Variants in TPST1 observed in about 807,000 individuals in gnomAD.
TPST1 encodes tyrosylprotein sulfotransferase 1.
In TPST1, 20 loss-of-function variants were observed where a neutral mutation model predicts 34.8. The ratio of observed to expected loss-of-function variants is 0.57; its 90% CI spans 0.40 to 0.84. The LOEUF is 0.84. TPST1 is among the 40% of genes least tolerant of loss of function. The pLI is 0.00. For synonymous variants in TPST1, 152 were observed against 159.4 expected (o/e 0.95, Z 0.35); for missense variants, 353 against 455.5 (o/e 0.78, Z 2.05).
chr7:66,206,254 G>A (rs1469033307), intron 1 of TPST1, among the ~76,000 whole-genome samples: 1 of 151,764 alleles, frequency 6.6e-6, no homozygotes, highest in African/African-American at 2.4e-5. Flanking sequence ...CACTGCGCCT[G>A]GCTCAGATCC....
At chr7:66,222,595 G>A (rs1399428109) in intron 1 of TPST1, among the ~76,000 whole-genome samples, 1 of 152,174 alleles carries the variant, frequency 6.6e-6, no homozygotes, top group African/African-American at 2.4e-5. Flanking sequence ...AAAAAAGGCA[G>A]TCAGGGACAG....
intron 3 of TPST1, among the ~76,000 whole-genome samples, chr7:66,292,806 A>G (rs1791111043): frequency 6.7e-6 from 1 of 150,312 alleles, no homozygotes; most frequent in Non-Finnish European, 1.5e-5. Flanking sequence ...AAATGCAGAA[A>G]TCACCCGTCT....
At chr7:66,299,828 G>A (rs1026783578) in intron 3 of TPST1, among the ~76,000 whole-genome samples, 1 of 151,860 alleles carries the variant, frequency 6.6e-6, no homozygotes, top group African/African-American at 2.4e-5. Flanking sequence ...CTTCATCCAC[G>A]GATCTCTCCC....
intron 3 of TPST1, among the ~76,000 whole-genome samples, chr7:66,299,125 C>CAA (rs34928553): frequency 2.2e-5 from 3 of 137,418 alleles, no homozygotes; most frequent in Admixed American, 7.3e-5. Flanking sequence ...GACACCGTCT[C>CAA]AAAAAAAAAA....
intron 1 of TPST1, among the ~76,000 whole-genome samples, chr7:66,224,683 G>A (rs1374733832): frequency 6.6e-6 from 1 of 152,052 alleles, no homozygotes; most frequent in African/African-American, 2.4e-5. Context: ...CCTGTTTTTG[G>A]TTAGCAATCT....
In TPST1 at chr7:66,286,770, G is replaced by A. The variant is rs1161501070; in HGVS notation, c.1044+61G>A. On this transcript the variant is annotated intron_variant, in intron 3 of 5. Transcript: ENST00000304842. ...GATTTTGAATTTGGGATCTGAATACGTTTTTTTCTTATTTTATTTCTTGCT... is the reference window on the plus strand; with the variant it reads ...GATTTTGAATTTGGGATCTGAATACATTTTTTTCTTATTTTATTTCTTGCT... 11 of 1,266,662 alleles carry A rather than the reference G, an allele frequency of 8.7e-6. No individual in the cohort carries two copies. In the African/African-American group the frequency reaches 9.6e-5, roughly 11 times the overall value. 78.5% of individuals were successfully genotyped at this position (1,266,662 alleles called of 1,614,324 possible).
intron 3 of TPST1, among the ~76,000 whole-genome samples, chr7:66,321,655 T>C (rs1013944748): frequency 6.6e-6 from 1 of 152,224 alleles, no homozygotes; most frequent in African/African-American, 2.4e-5. Flanking sequence ...TGAGAGATAG[T>C]GCCAAAGAGT....
intron 3 of TPST1, among the ~76,000 whole-genome samples, chr7:66,312,150 C>T (rs568944258): frequency 3.7e-4 from 57 of 152,350 alleles, no homozygotes; most frequent in African/African-American, 1.3e-3. Flanking sequence ...TCTTTTACAA[C>T]TGTAATCCCA....
chr7:66,308,164 C>CCACT (rs1276624073), intron 3 of TPST1, among the ~76,000 whole-genome samples: 1 of 152,144 alleles, frequency 6.6e-6, no homozygotes, highest in Non-Finnish European at 1.5e-5. Flanking sequence ...ACTTGGTAGC[C>CCACT]AGTGGTAAAG....
chr7:66,302,061 CAG>C (rs1398888595), intron 3 of TPST1, among the ~76,000 whole-genome samples: 1 of 152,152 alleles, frequency 6.6e-6, no homozygotes, highest in Non-Finnish European at 1.5e-5. Context: ...TTTTGTATAA[CAG>C]AGGGGTAGAG....
intron 2 of TPST1, among the ~76,000 whole-genome samples, chr7:66,259,556 T>C (rs924622799): frequency 1.3e-5 from 2 of 152,296 alleles, no homozygotes; most frequent in African/African-American, 4.8e-5. Context: ...CTGTTGGAAA[T>C]GTTTCCATAG....
At chr7:66,231,915 C>A (rs542182452) in intron 1 of TPST1, among the ~76,000 whole-genome samples, 27 of 152,374 alleles carry the variant, frequency 1.8e-4, no homozygotes, top group Non-Finnish European at 2.9e-4. Flanking sequence ...TATCACTTAA[C>A]ATCTTTAAGT....
intron 3 of TPST1, among the ~76,000 whole-genome samples, chr7:66,310,424 C>A (rs1290330167): frequency 6.6e-6 from 1 of 152,138 alleles, no homozygotes; most frequent in African/African-American, 2.4e-5. Flanking sequence ...GACTGTCCAT[C>A]CACCTCATGT....
At chr7:66,224,046 C>T (rs1789599700) in intron 1 of TPST1, among the ~76,000 whole-genome samples, 2 of 152,158 alleles carry the variant, frequency 1.3e-5, no homozygotes, top group Non-Finnish European at 2.9e-5. Context: ...AGATTGTCAG[C>T]TGTGTATACC....
intron 3 of TPST1, 115 bp downstream of exon 3, chr7:66,286,824 T>TTTTTTTTTGG: frequency 6.4e-6 from 4 of 624,680 alleles, no homozygotes; most frequent in Non-Finnish European, 9.0e-6. Context: ...TATATTTTTT[T>TTTTTTTTTGG]TTTTTTTCAT....
rs573591618 is a variant in TPST1 at position 66,266,022 on chromosome 7, C to G, written c.846-20489C>G. On this transcript the variant is annotated intron_variant, in intron 2 of 5. Transcript: ENST00000304842. ...TTCTTCCAGCTGAAATCAAGATGCA[C>G]TAGATGGTAACTCAAATCTGCATGA... Among the ~76,000 whole-genome samples, 29 of 152,280 alleles carry G rather than the reference C, an allele frequency of 1.9e-4. No homozygotes were observed. In the South Asian group the frequency reaches 6.0e-3, roughly 32 times the overall value.
rs566213810 is a variant in TPST1 at position 66,296,746 on chromosome 7, G to C, written c.1044+10037G>C. Reference sequence around the variant, plus strand: ...AGTAATATTGAGTCAGCACATTTTAGGGACATATTACCCAATATTGAATGG... The same window carrying C: ...AGTAATATTGAGTCAGCACATTTTACGGACATATTACCCAATATTGAATGG... On this transcript the variant is annotated intron_variant, in intron 3 of 5. Transcript: ENST00000304842. Among the ~76,000 whole-genome samples, 3 of 127,162 alleles carry C rather than the reference G, an allele frequency of 2.4e-5. No individual in the cohort carries two copies. In the Admixed American group the frequency reaches 2.8e-4, roughly 12 times the overall value. The allele number at this position is 127,162 out of a possible 152,430, so 83.4% of individuals were successfully genotyped here.
At chr7:66,220,093 T>C (rs1319087721) in intron 1 of TPST1, among the ~76,000 whole-genome samples, 1 of 152,156 alleles carries the variant, frequency 6.6e-6, no homozygotes, top group Non-Finnish European at 1.5e-5. Context: ...TTTTTAAATG[T>C]AGTCAAACCA....
At chr7:66,259,359 A>G (rs1456562416) in intron 2 of TPST1, among the ~76,000 whole-genome samples, 1 of 152,154 alleles carries the variant, frequency 6.6e-6, no homozygotes, top group Non-Finnish European at 1.5e-5. Flanking sequence ...AATCCATAGA[A>G]TCTGTAGTGA....
Sources: gnomAD v4.1 joint callset for allele counts (sites outside exome capture counted in the v4.1 genomes callset) on GRCh38, gnomAD v4.1.1 for gene constraint, MANE v1.5 for transcripts, NCBI Gene and HGNC (gene_info 2026-07-23, HGNC 2026-07-21) for gene names.